The following RCBTB2 variants were observed in gnomAD, a reference collection of about 807,000 sequenced individuals.
RCBTB2 encodes the protein RCC1 and BTB domain-containing protein 2.
A neutral mutation model predicts 65.4 loss-of-function variants in RCBTB2; 55 were observed. The observed-to-expected ratio is 0.84, with a 90% CI of 0.68 to 1.05. RCBTB2 has a LOEUF of 1.05. Among genes scored for constraint, RCBTB2 ranks in the 50% least tolerant of loss-of-function variants. The pLI, the probability that RCBTB2 is intolerant of heterozygous loss-of-function variation, is 0.00. For missense variants in RCBTB2, 599 were observed against 680.1 expected (o/e 0.88, Z 1.33); for synonymous variants, 220 against 255.2 (o/e 0.86, Z 1.31).
At chr13:48,503,872 C>A (rs1260571237) in intron 10 of RCBTB2, among the ~76,000 whole-genome samples, 3 of 152,174 alleles carry the variant, frequency 2.0e-5, no homozygotes, top group African/African-American at 7.2e-5. Context: ...TAATGGAAAA[C>A]ATTGTCTTGT....
At chr13:48,522,751 T>C (rs1288824997) in intron 2 of RCBTB2, among the ~76,000 whole-genome samples, 1 of 152,196 alleles carries the variant, frequency 6.6e-6, no homozygotes, top group African/African-American at 2.4e-5. Context: ...TTTTTCTAAT[T>C]GACGAGGTAG....
intron 10 of RCBTB2, among the ~76,000 whole-genome samples, chr13:48,506,853 T>C (rs552846869): frequency 1.3e-5 from 2 of 152,338 alleles, no homozygotes; most frequent in East Asian, 3.9e-4. Flanking sequence ...TTGGAATCAT[T>C]TCTGTGTCCT....
At chr13:48,533,198 A>AG (rs1952283067), upstream of RCBTB2, 4 of 345,852 alleles carry the variant, frequency 1.2e-5, no homozygotes, top group African/African-American at 6.7e-5. Flanking sequence ...AGACAAGAGG[A>AG]GGGGGCTGGC....
chr13:48,527,369 G>GATATAT (rs71186310), intron 1 of RCBTB2, among the ~76,000 whole-genome samples: 2 of 99,858 alleles, frequency 2.0e-5, no homozygotes, highest in African/African-American at 1.0e-4. Flanking sequence ...ATTTATATAT[G>GATATAT]ATATATATAT....
intron 10 of RCBTB2, among the ~76,000 whole-genome samples, chr13:48,506,955 G>C (rs1466952678): frequency 2.0e-5 from 3 of 152,218 alleles, no homozygotes; most frequent in Non-Finnish European, 4.4e-5. Context: ...AAATAATGCG[G>C]TTCTTATGTT....
rs1229321140 is a variant in RCBTB2, at chr13:48,510,752, T to G, written c.803A>C (p.His268Pro). The G allele has an allele frequency of 6.2e-7, 1 of 1,613,026 alleles. No individual in the cohort carries two copies. The change falls in exon 10 of 15, where the codon CAC (histidine) becomes CCC (proline). Residue 268 changes from histidine to proline, a missense_variant. His to Pro is a moderately conservative substitution (Grantham distance 77). Transcript: ENST00000344532. ...GCCTTCATCTGTTAATACTAATGTG[T>G]GTGCGTAGCCACAGGCGACCTGGAA... is the stretch of plus-strand genomic sequence containing the variant. The part of the protein sequence containing the change: ...RVQRVACGYA[H>P]TLVLTDEGQV...
intron 6 of RCBTB2, 29 bp downstream of exon 6, chr13:48,515,176 T>C (rs769066607): frequency 6.3e-7 from 1 of 1,599,890 alleles, no homozygotes; most frequent in South Asian, 1.1e-5. Flanking sequence ...CGAATAAAGC[T>C]GAAATTCTAC....
upstream of RCBTB2, chr13:48,533,205 T>C (rs1233255857): frequency 8.8e-6 from 3 of 340,070 alleles, no homozygotes; most frequent in Non-Finnish European, 1.7e-5. Flanking sequence ...AGGAGGGGGC[T>C]GGCGACGGCG....
At chr13:48,490,901 C>A (rs182012790) in intron 14 of RCBTB2, among the ~76,000 whole-genome samples, 152 of 152,316 alleles carry the variant, frequency 1.0e-3, no homozygotes, top group African/African-American at 3.3e-3. Context: ...TTCTGGCTTA[C>A]TGTAATGCAC....
chr13:48,515,957 C>T (rs1269887232), intron 4 of RCBTB2, among the ~76,000 whole-genome samples: 1 of 152,208 alleles, frequency 6.6e-6, no homozygotes, highest in Non-Finnish European at 1.5e-5. Context: ...ACCAGGTCTC[C>T]CCTACTCATT....
intron 6 of RCBTB2, among the ~76,000 whole-genome samples, chr13:48,513,586 T>G (rs1950924525): frequency 6.6e-6 from 1 of 152,246 alleles, no homozygotes; most frequent in African/African-American, 2.4e-5. Context: ...TTTACTAATT[T>G]TACTAATTTG....
intron 11 of RCBTB2, among the ~76,000 whole-genome samples, chr13:48,502,296 G>A (rs1286386577): frequency 6.6e-6 from 1 of 152,150 alleles, no homozygotes; most frequent in African/African-American, 2.4e-5. Context: ...TTTAAGACCA[G>A]CCTGGGCAAC....
At chr13:48,502,604 C>T in intron 11 of RCBTB2, 120 bp downstream of exon 11, 1 of 962,006 alleles carries the variant, frequency 1.0e-6, no homozygotes, top group Non-Finnish European at 1.5e-6. Flanking sequence ...TTTGTAGAAG[C>T]CCATCAGAGA....
chr13:48,504,189 T>G, intron 10 of RCBTB2: 1 of 985,408 alleles, frequency 1.0e-6, no homozygotes, highest in Non-Finnish European at 1.2e-6. Context: ...CTCCCAGGTC[T>G]CCCTTGCCTT....
chr13:48,501,045 T>A (rs773997365), intron 12 of RCBTB2, among the ~76,000 whole-genome samples: 6 of 152,194 alleles, frequency 3.9e-5, no homozygotes, highest in Non-Finnish European at 4.4e-5. Context: ...GCATCCTGTA[T>A]CATCCCATCT....
intron 6 of RCBTB2, among the ~76,000 whole-genome samples, chr13:48,514,470 A>G (rs1207243960): frequency 6.6e-6 from 1 of 152,260 alleles, no homozygotes; most frequent in African/African-American, 2.4e-5. Flanking sequence ...AACCAAGGAT[A>G]ACGGGAGACT....
chr13:48,510,637 T>G lies in RCBTB2; in HGVS notation c.918A>C (p.Glu306Asp). 1 of 1,614,086 alleles carries G rather than the reference T, an allele frequency of 6.2e-7. No individual in the cohort carries two copies. Among genetic ancestry groups the G allele is most frequent in the Non-Finnish European group, 8.5e-7 (1 of 1,179,968 alleles). Residue 306 changes from glutamate (E) to aspartate (D), a missense_variant, in exon 10 of 15, where the codon GAA becomes GAC. By Grantham distance (45) the Glu-to-Asp change is conservative. Coordinates refer to ENST00000344532, the MANE Select transcript of RCBTB2 (RefSeq NM_001268.4). Reference sequence around the variant, plus strand: ...GAAAATGCCCGTGTTACCTGTCCTTTTCCACAGTGACAGGAGTAGGATAGG... The same window carrying G: ...GAAAATGCCCGTGTTACCTGTCCTTGTCCACAGTGACAGGAGTAGGATAGG... ...NQSYPTPVTV[E>D]KDRIIEIAAC...
intron 2 of RCBTB2, among the ~76,000 whole-genome samples, 161 bp from the exon 3 acceptor site, chr13:48,522,564 T>A (rs2138614625): frequency 6.6e-6 from 1 of 152,358 alleles, no homozygotes; most frequent in African/African-American, 2.4e-5. Flanking sequence ...CCACATCACC[T>A]ACTTTCTACC....
In RCBTB2 at chr13:48,501,852, G is replaced by T. The variant is rs1426222384; in HGVS notation, c.1134C>A (p.Leu378=). 1 of 1,613,858 alleles carries T rather than the reference G, an allele frequency of 6.2e-7. No individual in the cohort carries two copies. The highest frequency in any genetic ancestry group is 1.1e-5 in the South Asian group (1 of 91,012). Residue 378 remains leucine, a synonymous_variant, in exon 12 of 15, where the codon CTC becomes CTA. Transcript: ENST00000344532. ...CCCTCTTCAGTGACTCAGCCACTGT[G>T]AGGTGGTCATCAGGTTCTAGGAGAA... ...RLLSVEPDDH[L]TVAESLKREF...
Sources: allele counts gnomAD v4.1 joint callset (sites outside exome capture counted in the v4.1 genomes callset), GRCh38; gene constraint gnomAD v4.1.1; transcripts MANE v1.5; gene names NCBI Gene and HGNC (gene_info 2026-07-23, HGNC 2026-07-21).